TEX9: variants seen among roughly 807,000 people sequenced by gnomAD.
The protein encoded by TEX9 is testis expressed 9, also known as testis-expressed protein 9.
Under a neutral mutation model 59.6 loss-of-function variants are expected in TEX9, and 74 were observed. That is an observed-to-expected ratio of 1.24 (90% confidence interval 1.03 to 1.51). TEX9 has a LOEUF of 1.51. Ranked by LOEUF, TEX9 falls within the 40% of genes most tolerant of loss-of-function variation. The pLI is 0.00. For synonymous variants in TEX9, 186 were observed against 152.2 expected, an observed-to-expected ratio of 1.22 and a Z score of -1.64; for missense variants, 522 against 447.8, an observed-to-expected ratio of 1.17 and a Z score of -1.49.
At chr15:56,278,741 T>C (rs1390916120) in intron 1 of TEX9, among the ~76,000 whole-genome samples, 1 of 151,982 alleles carries the variant, frequency 6.6e-6, no homozygotes, top group African/African-American at 2.4e-5. Context: ...AAGTTTCTCA[T>C]AGGTTTTGGG....
intron 1 of TEX9, among the ~76,000 whole-genome samples, chr15:56,292,066 C>G (rs2045107081): frequency 6.6e-6 from 1 of 152,154 alleles, no homozygotes; most frequent in Non-Finnish European, 1.5e-5. Flanking sequence ...CTTCATAATG[C>G]TGTATACATC....
chr15:56,244,540 C>A (rs1285891069), intron 1 of TEX9, among the ~76,000 whole-genome samples: 2 of 152,128 alleles, frequency 1.3e-5, no homozygotes, highest in Non-Finnish European at 2.9e-5. Context: ...ATTCATTCTT[C>A]CTTCGTGCCT....
intron 9 of TEX9, among the ~76,000 whole-genome samples, chr15:56,398,769 A>T (rs967261612): frequency 2.4e-4 from 37 of 151,526 alleles, no homozygotes; most frequent in Non-Finnish European, 4.6e-4. Context: ...TAGGGGGAGA[A>T]TTTTTTTTTC....
Position 56,283,049 on chromosome 15 carries a change from G to GGGGTGTGTGTGTGT in TEX9, c.-107+38772_-107+38773insGGTGTGTGTGTGTG, listed in dbSNP as rs140785812. 1.5e-3 allele frequency among the ~76,000 whole-genome samples: 224 copies of GGGGTGTGTGTGTGT among 148,550 alleles called. 1 individual carries two copies. The highest frequency in any genetic ancestry group is 5.3e-3 in the African/African-American group (212 of 40,368). On this transcript the variant is annotated intron_variant, in intron 1 of 5. Coordinates refer to the TEX9 transcript ENST00000560827. ...TTTATTTATAGTGTGTACATTGTGT[G>GGGGTGTGTGTGTGT]GTGTGTGTGTGTGTGTGTGTGTGTG...
rs1016226749 is a variant in TEX9, at chr15:56,399,449, C to G, written c.828+4615C>G. Among the ~76,000 whole-genome samples the G allele has an allele frequency of 2.0e-5, 3 of 152,230 alleles. No individual in the cohort carries two copies. In the East Asian group the frequency reaches 5.8e-4, roughly 29 times the overall value. ...CTGAGGCTTGAGCAGGTAAACAAAG[C>G]GGCCGGGAAGCTTGGACTGGGCAGA... On this transcript the variant is annotated intron_variant, in intron 9 of 12. Transcript: ENST00000352903.
chr15:56,299,739 C>A (rs544885731), intron 1 of TEX9, among the ~76,000 whole-genome samples: 49 of 152,156 alleles, frequency 3.2e-4, no homozygotes, highest in Non-Finnish European at 6.3e-4. Context: ...ATAAGGCCCC[C>A]ATTCCAGGCC....
intron 2 of TEX9, among the ~76,000 whole-genome samples, chr15:56,368,592 A>T (rs2047051490): frequency 6.6e-6 from 1 of 152,076 alleles, no homozygotes; most frequent in African/African-American, 2.4e-5. Flanking sequence ...AGCTTCTTTA[A>T]TGATTAGATG....
intron 1 of TEX9, among the ~76,000 whole-genome samples, chr15:56,333,124 T>G (rs1235332743): frequency 5.9e-5 from 9 of 152,146 alleles, no homozygotes; most frequent in Admixed American, 2.0e-4. Context: ...ATACTCCAAC[T>G]ATTCTGAAAA....
intron 9 of TEX9, among the ~76,000 whole-genome samples, chr15:56,411,694 G>T (rs1351701683): frequency 6.6e-6 from 1 of 152,138 alleles, no homozygotes; most frequent in Non-Finnish European, 1.5e-5. Flanking sequence ...TTATCCTCTA[G>T]GTTCATGTTT....
chr15:56,316,462 G>A (rs1300798992), intron 1 of TEX9, among the ~76,000 whole-genome samples: 29 of 149,396 alleles, frequency 1.9e-4, no homozygotes, highest in African/African-American at 7.1e-4. Flanking sequence ...TAGGCTGCTC[G>A]GGGGTCAGGG....
In TEX9 at chr15:56,328,112, A is replaced by G. The variant is rs2141745486; in HGVS notation, c.-106-45329A>G. Among the ~76,000 whole-genome samples, 2 of 151,974 alleles carry G rather than the reference A, an allele frequency of 1.3e-5. 1 individual carries two copies. Among genetic ancestry groups the G allele is most frequent in the South Asian group, 4.2e-4 (2 of 4,804 alleles). ...TCTGCTTGTAAGGAGAGGGGAAAGT[A>G]AAGAGGACTTTGTCTTGCATCATGG... On this transcript the variant is annotated intron_variant, in intron 1 of 5. Transcript: ENST00000560827.
intron 1 of TEX9, among the ~76,000 whole-genome samples, chr15:56,338,833 A>C (rs2046308965): frequency 6.6e-6 from 1 of 151,996 alleles, no homozygotes; most frequent in African/African-American, 2.4e-5. Flanking sequence ...CAGGAGAATC[A>C]CTTGAACCTG....
intron 11 of TEX9, 64 bp downstream of exon 11, chr15:56,427,803 A>T (rs2050382330): frequency 7.7e-7 from 1 of 1,295,308 alleles, no homozygotes; most frequent in African/African-American, 1.5e-5. Context: ...AAAATTTAGC[A>T]TTTTTCACTT....
At chr15:56,299,984 G>A (rs1418840719) in intron 1 of TEX9, among the ~76,000 whole-genome samples, 3 of 152,038 alleles carry the variant, frequency 2.0e-5, no homozygotes, top group Non-Finnish European at 4.4e-5. Context: ...CTTGTGGAAA[G>A]GAGAGAAAAG....
chr15:56,376,072 G>T (rs1471649264), intron 3 of TEX9, among the ~76,000 whole-genome samples: 1 of 134,932 alleles, frequency 7.4e-6, no homozygotes, highest in African/African-American at 2.8e-5. Context: ...GGACTCTTGT[G>T]GGGTCGGGGG....
chr15:56,458,966 CTATAGA>C, the TEX9 span, among the ~76,000 whole-genome samples: 2 of 152,154 alleles, frequency 1.3e-5, no homozygotes, highest in Non-Finnish European at 2.9e-5. Context: ...TTTATAAATG[CTATAGA>C]TATATATAGG....
chr15:56,256,453 G>T (rs529068676), intron 1 of TEX9, among the ~76,000 whole-genome samples: 2 of 152,020 alleles, frequency 1.3e-5, no homozygotes, highest in East Asian at 3.9e-4. Flanking sequence ...AATAAGAAAA[G>T]ATTGGCTAGA....
chr15:56,272,005 A>T (rs2718938), intron 1 of TEX9, among the ~76,000 whole-genome samples: 2 of 151,978 alleles, frequency 1.3e-5, no homozygotes, highest in African/African-American at 4.8e-5. Flanking sequence ...TTAGCTGGGC[A>T]TGGGGGTGGG....
chr15:56,377,330 T>C (rs1031761070), intron 3 of TEX9, among the ~76,000 whole-genome samples: 34 of 152,182 alleles, frequency 2.2e-4, no homozygotes, highest in African/African-American at 8.0e-4. Flanking sequence ...CTTGAATCTG[T>C]AGATTGCTTT....
Sources: allele counts gnomAD v4.1 joint callset (sites outside exome capture counted in the v4.1 genomes callset), GRCh38; gene constraint gnomAD v4.1.1; transcripts MANE v1.5; gene names NCBI Gene and HGNC (gene_info 2026-07-23, HGNC 2026-07-21).